The following GPATCH8 variants were observed in gnomAD, a reference collection of about 807,000 sequenced individuals.
GPATCH8 encodes the protein G patch domain-containing protein 8.
In GPATCH8, 18 loss-of-function variants were observed where a neutral mutation model predicts 118.3. The ratio of observed to expected loss-of-function variants is 0.15; its 90% confidence interval spans 0.11 to 0.23. The LOEUF (loss-of-function observed/expected upper bound fraction) is 0.23, where lower values mean the gene tolerates loss of function less well. GPATCH8 is among the 10% of genes least tolerant of loss of function. GPATCH8 has a pLI of 1.00. For synonymous variants in GPATCH8, 659 were observed against 684.7 expected, an observed-to-expected ratio of 0.96 and a Z score of 0.59; for missense variants, 1,631 against 1,873.8, an observed-to-expected ratio of 0.87 and a Z score of 2.39.
At chr17:44,475,805 C>A (rs551421128) in intron 1 of GPATCH8, among the ~76,000 whole-genome samples, 1 of 152,108 alleles carries the variant, frequency 6.6e-6, no homozygotes, top group South Asian at 2.1e-4. Flanking sequence ...GCGGGAAGAT[C>A]ACTTGAGGAC....
At chr17:44,404,393 T>C (rs1451777592) in intron 7 of GPATCH8, among the ~76,000 whole-genome samples, 1 of 151,440 alleles carries the variant, frequency 6.6e-6, no homozygotes, top group Non-Finnish European at 1.5e-5. Context: ...TCCTCTTACT[T>C]TGGCCTCCCA....
chr17:44,470,893 C>T (rs1222797630), intron 2 of GPATCH8, among the ~76,000 whole-genome samples: 7 of 152,144 alleles, frequency 4.6e-5, no homozygotes, highest in Admixed American at 6.5e-5. Context: ...GAATCCTAGA[C>T]GGAGCTATGG....
In GPATCH8 at chr17:44,407,796, A is replaced by G. The variant is rs182605231; in HGVS notation, c.493-1745T>C. Among the ~76,000 whole-genome samples the G allele has an allele frequency of 1.1e-3, 166 of 151,996 alleles. 1 individual carries two copies. The highest frequency in any genetic ancestry group is 3.4e-3 in the Middle Eastern group (1 of 294). On this transcript the variant is annotated intron_variant, in intron 6 of 7. Transcript: ENST00000591680. Reference sequence around the variant, plus strand: ...GTTAGCCTCCCAAGTAGCTGGGATTACAGGCGTGAACCCCTATGCTTGGCT... The same window carrying G: ...GTTAGCCTCCCAAGTAGCTGGGATTGCAGGCGTGAACCCCTATGCTTGGCT...
chr17:44,399,383 A>G lies in GPATCH8; in HGVS notation c.2694T>C (p.Ser898=). Residue 898 remains serine, a synonymous_variant, in exon 8 of 8, where the codon AGT becomes AGC. Coordinates refer to ENST00000591680, the MANE Select transcript of GPATCH8 (RefSeq NM_001002909.4). ...SYSDDSYSDY[S]DRSRRHSKRS... ...GCTTGGAGTGCCTTCGTGATCTGTC[A>G]CTGTAGTCACTGTAGCTGTCATCAG... 6.2e-7 allele frequency: 1 copy of G among 1,614,042 alleles called. No homozygotes were observed. The highest frequency in any genetic ancestry group is 8.5e-7 in the Non-Finnish European group (1 of 1,179,898).
In GPATCH8 at chr17:44,399,655, T is replaced by C; in HGVS notation, c.2422A>G (p.Ser808Gly). The change falls in exon 8 of 8, where the codon AGC becomes GGC. Residue 808 changes from serine to glycine, a missense_variant. By Grantham distance (56) the Ser-to-Gly change is moderately conservative. Coordinates refer to ENST00000591680, the MANE Select transcript of GPATCH8 (RefSeq NM_001002909.4). Reference protein sequence around the residue: ...RAGTKRSSRSSHRSQPSSGDE... With the variant: ...RAGTKRSSRSGHRSQPSSGDE... ...CCACTACTGGGTTGGCTCCGATGGC[T>C]AGACCGGCTGCTCCGTTTGGTGCCT... 1 of 1,614,222 alleles carries C rather than the reference T, an allele frequency of 6.2e-7. No homozygotes were observed. Among genetic ancestry groups the C allele is most frequent in the Non-Finnish European group, 8.5e-7 (1 of 1,180,028 alleles).
Position 44,474,841 on chromosome 17 carries a change from C to T in GPATCH8, c.108G>A (p.Lys36=). ...HLEIEQASLD[K]PIESDNIGHR... ...CTGATTATCTTACCGATTCTATAGGCTTGTCAAGTGACGCTTGTTCAATTT... is the reference window on the plus strand; with the variant it reads ...CTGATTATCTTACCGATTCTATAGGTTTGTCAAGTGACGCTTGTTCAATTT... Residue 36 remains lysine, a synonymous_variant, in exon 2 of 8, where the codon AAG becomes AAA. Transcript: ENST00000591680. 1.3e-6 allele frequency: 2 copies of T among 1,557,178 alleles called. No homozygotes were observed. Among genetic ancestry groups the T allele is most frequent in the East Asian group, 2.2e-5 (1 of 44,574 alleles).
Position 44,446,916 on chromosome 17 carries a change from C to A in GPATCH8, c.194-10371G>T, listed in dbSNP as rs565651158. 1.7e-4 allele frequency among the ~76,000 whole-genome samples: 26 copies of A among 152,170 alleles called. No individual in the cohort carries two copies. The East Asian group carries it at 4.8e-3, about 28-fold the overall frequency. On this transcript the variant is annotated intron_variant, in intron 3 of 7. Coordinates refer to ENST00000591680, the MANE Select transcript of GPATCH8 (RefSeq NM_001002909.4). ...GTGTCACAATCTTGGCTCACTGCAACCTCCGCCTCGCAGGTTCAAGTGACT... is the reference window on the plus strand; with the variant it reads ...GTGTCACAATCTTGGCTCACTGCAAACTCCGCCTCGCAGGTTCAAGTGACT...
chr17:44,455,022 A>G (rs979949455), intron 3 of GPATCH8, among the ~76,000 whole-genome samples: 2 of 152,232 alleles, frequency 1.3e-5, no homozygotes, highest in Non-Finnish European at 2.9e-5. Flanking sequence ...AGCTTTTCTG[A>G]CAATCCATAC....
intron 3 of GPATCH8, among the ~76,000 whole-genome samples, chr17:44,461,228 C>T (rs1395727386): frequency 2.6e-5 from 4 of 152,180 alleles, no homozygotes; most frequent in Non-Finnish European, 5.9e-5. Flanking sequence ...GTCACCCAGG[C>T]TGGAGTGCAA....
At chr17:44,409,466 C>T (rs1447238141) in intron 6 of GPATCH8, 1 of 152,250 alleles carries the variant, frequency 6.6e-6, no homozygotes, top group African/African-American at 2.4e-5. Flanking sequence ...AAAGTCTCCA[C>T]TGATCCTTCA....
intron 7 of GPATCH8, among the ~76,000 whole-genome samples, chr17:44,404,845 T>C (rs1206913127): frequency 2.6e-5 from 4 of 151,938 alleles, no homozygotes; most frequent in African/African-American, 7.3e-5. Context: ...TTGCCACTCA[T>C]ATGTGGAAGC....
At chr17:44,464,931 A>G (rs1598567501) in intron 2 of GPATCH8, 1 of 160,420 alleles carries the variant, frequency 6.2e-6, no homozygotes, top group East Asian at 1.8e-4. Flanking sequence ...CACCACTTTA[A>G]GATTTTTTTT....
At chr17:44,452,626 T>C (rs567495023) in intron 3 of GPATCH8, among the ~76,000 whole-genome samples, 15 of 152,304 alleles carry the variant, frequency 9.8e-5, no homozygotes, top group African/African-American at 3.6e-4. Context: ...TCTAAATGGT[T>C]TTCCATCTCC....
At chr17:44,404,467 A>G (rs2049145121) in intron 7 of GPATCH8, among the ~76,000 whole-genome samples, 1 of 152,166 alleles carries the variant, frequency 6.6e-6, no homozygotes, top group Non-Finnish European at 1.5e-5. Context: ...TAAATGTTAG[A>G]AAATGGGAAT....
At chr17:44,456,354 T>A (rs1192317293) in intron 3 of GPATCH8, among the ~76,000 whole-genome samples, 1 of 151,050 alleles carries the variant, frequency 6.6e-6, no homozygotes, top group African/African-American at 2.4e-5. Flanking sequence ...GGCCTCAAGC[T>A]ACCCTCCTGC....
intron 1 of GPATCH8, among the ~76,000 whole-genome samples, chr17:44,498,419 T>C (rs1244672238): frequency 6.6e-6 from 1 of 152,176 alleles, no homozygotes; most frequent in East Asian, 1.9e-4. Context: ...AACTTAAGTC[T>C]CTCTCTGTGA....
At chr17:44,460,781 A>G (rs1437496569) in intron 3 of GPATCH8, among the ~76,000 whole-genome samples, 2 of 152,254 alleles carry the variant, frequency 1.3e-5, no homozygotes, top group African/African-American at 4.8e-5. Context: ...CACTAGAGTG[A>G]CAGGGCTTTT....
intron 3 of GPATCH8, among the ~76,000 whole-genome samples, chr17:44,455,483 A>G (rs1433717704): frequency 1.3e-5 from 2 of 152,130 alleles, no homozygotes; most frequent in Non-Finnish European, 2.9e-5. Flanking sequence ...CTGGGCAACA[A>G]GAGTGAAACT....
At chr17:44,430,718 C>T (rs1158688455) in intron 5 of GPATCH8, among the ~76,000 whole-genome samples, 1 of 151,970 alleles carries the variant, frequency 6.6e-6, no homozygotes, top group African/African-American at 2.4e-5. Context: ...TCTTGGCTCA[C>T]TGCAACCTCC....
Sources: gnomAD v4.1 joint callset for allele counts (sites outside exome capture counted in the v4.1 genomes callset) on GRCh38, gnomAD v4.1.1 for gene constraint, MANE v1.5 for transcripts, NCBI Gene and HGNC (gene_info 2026-07-23, HGNC 2026-07-21) for gene names.